The following PHF24 variants were observed in gnomAD, a reference collection of about 807,000 sequenced individuals.
The protein encoded by PHF24 is PHD finger protein 24.
In PHF24, 25 loss-of-function variants were observed where a neutral mutation model predicts 42.6. The ratio of observed to expected loss-of-function variants is 0.59; its 90% CI spans 0.43 to 0.82. PHF24 has a LOEUF of 0.82. Among genes scored for constraint, PHF24 ranks in the 40% least tolerant of loss-of-function variants. The probability of loss-of-function intolerance (pLI) is 0.00; values close to 1 mark genes in which losing one functional copy is unlikely to be tolerated. For synonymous variants in PHF24, 185 were observed against 204.8 expected, an observed-to-expected ratio of 0.90 and a Z score of 0.83; for missense variants, 470 against 538.1, an observed-to-expected ratio of 0.87 and a Z score of 1.25.
chr9:34,780,522 C>T, the PHF24 span, among the ~76,000 whole-genome samples: 1 of 151,758 alleles, frequency 6.6e-6, no homozygotes, highest in Non-Finnish European at 1.5e-5. Flanking sequence ...TGGGCTCAAG[C>T]AATCTGCCTG....
chr9:34,874,034 C>T, the PHF24 span, among the ~76,000 whole-genome samples: 33 of 152,086 alleles, frequency 2.2e-4, no homozygotes, highest in Admixed American at 1.8e-3. Flanking sequence ...GTGATTTTTG[C>T]ACATTGATTT....
At chr9:34,690,326 G>T in the PHF24 span, 1 of 1,613,966 alleles carries the variant, frequency 6.2e-7, no homozygotes, top group Non-Finnish European at 8.5e-7. Context: ...CATCATTGGT[G>T]CCACTCAGAG....
the PHF24 span, among the ~76,000 whole-genome samples, chr9:34,845,508 T>C: frequency 6.6e-6 from 1 of 152,176 alleles, no homozygotes. Flanking sequence ...GTTTTTTTGC[T>C]TTGTGGTTAA....
the PHF24 span, chr9:34,690,149 G>C: frequency 1.2e-6 from 2 of 1,601,398 alleles, no homozygotes; most frequent in Non-Finnish European, 8.6e-7. Flanking sequence ...GAATAAGAAG[G>C]TGGGAGTCTC....
At chr9:34,903,918 A>ATTTTAT in the PHF24 span, among the ~76,000 whole-genome samples, 1 of 152,020 alleles carries the variant, frequency 6.6e-6, no homozygotes, top group Non-Finnish European at 1.5e-5. Context: ...ATTCCTAAGT[A>ATTTTAT]TTTTATTTTT....
At chr9:34,777,428 G>A in the PHF24 span, among the ~76,000 whole-genome samples, 1 of 152,152 alleles carries the variant, frequency 6.6e-6, no homozygotes, top group African/African-American at 2.4e-5. Context: ...GGTGGATTGG[G>A]CTGGGAGATC....
chr9:34,952,813 T>A (rs768582568), upstream of PHF24, among the ~76,000 whole-genome samples: 1 of 152,200 alleles, frequency 6.6e-6, no homozygotes, highest in Non-Finnish European at 1.5e-5. Context: ...TTTGGACATA[T>A]GCAAATACCT....
At chr9:34,892,206 C>T in the PHF24 span, among the ~76,000 whole-genome samples, 11 of 152,134 alleles carry the variant, frequency 7.2e-5, no homozygotes, top group Non-Finnish European at 1.2e-4. Context: ...GAGGGTAGAG[C>T]TAGAACCATG....
At chr9:34,886,461 T>C in the PHF24 span, among the ~76,000 whole-genome samples, 1 of 149,192 alleles carries the variant, frequency 6.7e-6, no homozygotes, top group African/African-American at 2.4e-5. Context: ...CTAAATCTAA[T>C]GGTCAACTAC....
At chr9:34,912,860 A>G in the PHF24 span, among the ~76,000 whole-genome samples, 2 of 152,228 alleles carry the variant, frequency 1.3e-5, no homozygotes, top group Admixed American at 1.3e-4. Context: ...AATAATCAAT[A>G]GATGTCAACC....
chr9:34,842,700 A>G, the PHF24 span, among the ~76,000 whole-genome samples: 1 of 152,314 alleles, frequency 6.6e-6, no homozygotes, highest in South Asian at 2.1e-4. Flanking sequence ...AAGAACTGTG[A>G]GAGATAAATT....
the PHF24 span, chr9:34,918,338 A>C: frequency 1.3e-6 from 1 of 797,206 alleles, no homozygotes; most frequent in South Asian, 1.4e-5. Context: ...CTAGTTCTTC[A>C]TCCCACTCCA....
intron 7 of PHF24, 83 bp downstream of exon 7, chr9:34,977,724 C>T (rs1463380674): frequency 5.6e-5 from 69 of 1,224,178 alleles, no homozygotes; most frequent in South Asian, 4.6e-4. Flanking sequence ...TTACCCACTC[C>T]CACTCCAAAA....
At chr9:34,951,220 T>C in the PHF24 span, among the ~76,000 whole-genome samples, 1 of 152,322 alleles carries the variant, frequency 6.6e-6, no homozygotes, top group South Asian at 2.1e-4. Flanking sequence ...TTGGCTGGCC[T>C]GTATTCTCAT....
chr9:34,971,489 G>A, exon 2 of PHF24: 4 of 1,614,182 alleles, frequency 2.5e-6, no homozygotes, highest in Non-Finnish European at 3.4e-6. Flanking sequence ...GCAGAAGCAG[G>A]AACCTCGGTG....
the PHF24 span, among the ~76,000 whole-genome samples, chr9:34,909,554 T>G: frequency 6.6e-6 from 1 of 152,116 alleles, no homozygotes; most frequent in Non-Finnish European, 1.5e-5. Context: ...CAGCAAACAC[T>G]TAAGTGAACT....
At chr9:34,791,320 G>T in the PHF24 span, among the ~76,000 whole-genome samples, 1 of 152,168 alleles carries the variant, frequency 6.6e-6, no homozygotes, top group Admixed American at 6.5e-5. Context: ...CAGGGATTTT[G>T]GCCTGAGTAA....
the PHF24 span, among the ~76,000 whole-genome samples, chr9:34,936,705 G>A: frequency 6.7e-6 from 1 of 149,424 alleles, no homozygotes; most frequent in Non-Finnish European, 1.5e-5. Flanking sequence ...GATGTGGGGA[G>A]CGCCTCTGCC....
At chr9:34,720,208 G>A in the PHF24 span, among the ~76,000 whole-genome samples, 1 of 152,092 alleles carries the variant, frequency 6.6e-6, no homozygotes, top group Non-Finnish European at 1.5e-5. Flanking sequence ...GCTTTGGGAG[G>A]CCGAGGCGGG....
Sources: allele counts gnomAD v4.1 joint callset (sites outside exome capture counted in the v4.1 genomes callset), GRCh38; gene constraint gnomAD v4.1.1; transcripts MANE v1.5; gene names NCBI Gene and HGNC (gene_info 2026-07-23, HGNC 2026-07-21).